The following AGPAT3 variants were observed in gnomAD, a reference collection of about 807,000 sequenced individuals.
AGPAT3 encodes the protein 1-acylglycerol-3-phosphate O-acyltransferase 3, also known as 1-acyl-sn-glycerol-3-phosphate acyltransferase gamma.
Under a neutral mutation model 47.3 loss-of-function variants are expected in AGPAT3, and 5 were observed. The ratio of observed to expected loss-of-function variants is 0.11; its 90% confidence interval spans 0.06 to 0.22. The LOEUF (loss-of-function observed/expected upper bound fraction) is 0.22. AGPAT3 is among the 10% of genes least tolerant of loss of function. The probability of loss-of-function intolerance (pLI) is 1.00; values close to 1 mark genes in which losing one functional copy is unlikely to be tolerated. For missense variants in AGPAT3, 315 were observed against 493.0 expected, an observed-to-expected ratio of 0.64 and a Z score of 3.42; for synonymous variants, 212 against 208.3, an observed-to-expected ratio of 1.02 and a Z score of -0.15.
intron 1 of AGPAT3, among the ~76,000 whole-genome samples, chr21:43,884,753 T>C (rs987305925): frequency 6.6e-6 from 1 of 151,496 alleles, no homozygotes; most frequent in Non-Finnish European, 1.5e-5. Context: ...GGCCTGGTGC[T>C]GGGTGCTGGG....
Position 43,955,688 on chromosome 21 carries a change from C to T in AGPAT3, c.-48-3946C>T, listed in dbSNP as rs564639881. Among the ~76,000 whole-genome samples, 32 of 152,060 alleles carry T rather than the reference C, an allele frequency of 2.1e-4. No homozygotes were observed. The highest frequency in any genetic ancestry group is 7.5e-4 in the African/African-American group (31 of 41,550). On this transcript the variant is annotated intron_variant, in intron 2 of 9. Coordinates refer to ENST00000291572, the MANE Select transcript of AGPAT3 (RefSeq NM_020132.5). This position sits in a 1 kb window ranked among gnomAD's most constrained non-coding sequence, Gnocchi z 4.1. ...TGGGAGGTCGAGTTGGGCGGATTAC[C>T]TGAGGTCAGGAGATCGAGGCCAGCC...
intron 2 of AGPAT3, among the ~76,000 whole-genome samples, chr21:43,918,085 T>C (rs1438176262): frequency 7.1e-6 from 1 of 140,936 alleles, no homozygotes; most frequent in Non-Finnish European, 1.5e-5. Context: ...GTTGTGGGTG[T>C]TGTGGGTGTT....
chr21:43,978,836 T>G (rs1306034640), intron 8 of AGPAT3, among the ~76,000 whole-genome samples: 1 of 152,174 alleles, frequency 6.6e-6, no homozygotes, highest in African/African-American at 2.4e-5. Context: ...CTTATTTCTT[T>G]CCCCCACGGC....
intron 2 of AGPAT3, among the ~76,000 whole-genome samples, chr21:43,910,315 G>A (rs1253433531): frequency 1.3e-5 from 2 of 152,206 alleles, no homozygotes; most frequent in Non-Finnish European, 1.5e-5. Context: ...CTGGAGGAGG[G>A]GAGTGGAGCC....
intron 2 of AGPAT3, among the ~76,000 whole-genome samples, chr21:43,914,837 C>A (rs1023780480): frequency 4.6e-5 from 7 of 152,242 alleles, no homozygotes; most frequent in Non-Finnish European, 7.4e-5. Context: ...CCACCGTGCC[C>A]AGTACTCAGA....
intron 6 of AGPAT3, among the ~76,000 whole-genome samples, 170 bp from the exon 7 acceptor site, chr21:43,971,218 A>G (rs2089380258): frequency 6.6e-6 from 1 of 152,178 alleles, no homozygotes; most frequent in South Asian, 2.1e-4. Flanking sequence ...AAGAGGGGGA[A>G]AGAAAACTTA....
At chr21:43,913,698 G>A (rs2086673098) in intron 2 of AGPAT3, among the ~76,000 whole-genome samples, 2 of 152,218 alleles carry the variant, frequency 1.3e-5, no homozygotes, top group South Asian at 4.1e-4. Context: ...AATGGCAGGA[G>A]ATGTTTTTGG....
chr21:43,964,722 A>G (rs1182668866), intron 3 of AGPAT3, among the ~76,000 whole-genome samples: 1 of 152,248 alleles, frequency 6.6e-6, no homozygotes, highest in South Asian at 2.1e-4. Flanking sequence ...AAAGCACTTC[A>G]GTAAGAACAG....
intron 3 of AGPAT3, among the ~76,000 whole-genome samples, chr21:43,961,333 G>C (rs2088825877): frequency 6.6e-6 from 1 of 152,064 alleles, no homozygotes; most frequent in South Asian, 2.1e-4. Flanking sequence ...TAGACACTTT[G>C]TCTCGTGGGA....
At chr21:43,877,930 C>T (rs974717191) in intron 1 of AGPAT3, among the ~76,000 whole-genome samples, 3 of 152,062 alleles carry the variant, frequency 2.0e-5, no homozygotes, top group Admixed American at 2.0e-4. Context: ...TCTATGGCTC[C>T]TTGACCCTCA....
rs145118641 is a variant in AGPAT3 at position 43,934,043 on chromosome 21, G to T, written c.-48-25591G>T. 4.5e-3 allele frequency among the ~76,000 whole-genome samples: 686 copies of T among 152,324 alleles called. 3 individuals carry two copies. The highest frequency in any genetic ancestry group is 0.015 in the African/African-American group (637 of 41,564). ...GCCAGCTGCCGAATGCCGTACCAGGGCAGGGGCAGTGGAGCAGGTGTCTGC... is the reference window on the plus strand; with the variant it reads ...GCCAGCTGCCGAATGCCGTACCAGGTCAGGGGCAGTGGAGCAGGTGTCTGC... On this transcript the variant is annotated intron_variant, in intron 2 of 9. Transcript: ENST00000291572. This position sits in a 1 kb window ranked among gnomAD's most constrained non-coding sequence, Gnocchi z 4.7.
chr21:43,962,543 A>G (rs1569096016), intron 3 of AGPAT3, among the ~76,000 whole-genome samples: 3 of 152,276 alleles, frequency 2.0e-5, no homozygotes, highest in East Asian at 1.9e-4. Flanking sequence ...TGGCTTTTTA[A>G]TGCATTTCTG....
At chr21:43,884,950 G>A (rs1485153933) in intron 1 of AGPAT3, among the ~76,000 whole-genome samples, 2 of 152,236 alleles carry the variant, frequency 1.3e-5, no homozygotes, top group Non-Finnish European at 1.5e-5. Context: ...ATAGATCGGA[G>A]TTAACAGTGA....
chr21:43,865,234 C>T lies in AGPAT3; in HGVS notation c.-223C>T, dbSNP rs1179448950. The T allele has an allele frequency of 6.8e-6, 1 of 147,260 alleles. No homozygotes were observed. The highest frequency in any genetic ancestry group is 1.5e-5 in the Non-Finnish European group (1 of 65,852). 9.1% of individuals were successfully genotyped at this position (147,260 alleles called of 1,614,324 possible). A position where few individuals can be genotyped will look rare whatever the true frequency, so the allele number is the denominator to read the frequency against. Reference sequence around the variant, plus strand: ...GCGGCGGGCGCCGCACTCGCTGAGGCCCCGACGCAGGGCCGGGCCGGGCCC... The same window carrying T: ...GCGGCGGGCGCCGCACTCGCTGAGGTCCCGACGCAGGGCCGGGCCGGGCCC... On this transcript the variant is annotated 5_prime_UTR_variant, in exon 1 of 10. Coordinates refer to ENST00000291572, the MANE Select transcript of AGPAT3 (RefSeq NM_020132.5).
intron 2 of AGPAT3, among the ~76,000 whole-genome samples, chr21:43,937,203 T>C (rs1457232556): frequency 6.6e-6 from 1 of 152,200 alleles, no homozygotes; most frequent in Non-Finnish European, 1.5e-5. Context: ...GGGGTACCCA[T>C]GAGTGACTTT....
At chr21:43,967,836 C>T (rs1031869455) in intron 3 of AGPAT3, 110 bp from the exon 4 acceptor site, 9 of 1,115,380 alleles carry the variant, frequency 8.1e-6, no homozygotes, top group South Asian at 1.6e-5. Flanking sequence ...TCATGTTTAG[C>T]AGAGACTTCC....
At chr21:43,956,787 C>T (rs1259699998) in intron 2 of AGPAT3, among the ~76,000 whole-genome samples, 1 of 152,198 alleles carries the variant, frequency 6.6e-6, no homozygotes, top group African/African-American at 2.4e-5. Flanking sequence ...AGGTCAGCCC[C>T]TTCCGCGCAG....
Position 43,939,612 on chromosome 21 carries a change from C to CT in AGPAT3, c.-48-20021dup, listed in dbSNP as rs1358642783. Reference sequence around the variant, plus strand: ...GCGGGCGCCTGGCCTGTCCGGCAGGCTGGGTGGCTGTTCTCTGTTGAGCCC... The same window carrying CT: ...GCGGGCGCCTGGCCTGTCCGGCAGGCTTGGGTGGCTGTTCTCTGTTGAGCCC... On this transcript the variant is annotated intron_variant, in intron 2 of 9. Coordinates refer to ENST00000291572, the MANE Select transcript of AGPAT3 (RefSeq NM_020132.5). The surrounding 1 kb of genome is among the most constrained non-coding windows in gnomAD (Gnocchi z 4.4). 6.6e-6 allele frequency among the ~76,000 whole-genome samples: 1 copy of CT among 152,186 alleles called. No homozygotes were observed. The highest frequency in any genetic ancestry group is 2.4e-5 in the African/African-American group (1 of 41,438).
chr21:43,955,124 G>A lies in AGPAT3; in HGVS notation c.-48-4510G>A. 7.8e-7 allele frequency: 1 copy of A among 1,276,360 alleles called. No individual in the cohort carries two copies. Among genetic ancestry groups the A allele is most frequent in the Non-Finnish European group, 1.0e-6 (1 of 980,686 alleles). The allele number at this position is 1,276,360 out of a possible 1,614,324, so 79.1% of individuals were successfully genotyped here. ...CACCGTGGCACGTCCATGCCGTGGGGGTCACTCAGCAGCCACGGATGCGCC... is the reference window on the plus strand; with the variant it reads ...CACCGTGGCACGTCCATGCCGTGGGAGTCACTCAGCAGCCACGGATGCGCC... On this transcript the variant is annotated intron_variant, in intron 2 of 9. Transcript: ENST00000291572. The surrounding 1 kb of genome is among the most constrained non-coding windows in gnomAD (Gnocchi z 4.1).
Sources: gnomAD v4.1 joint callset for allele counts (sites outside exome capture counted in the v4.1 genomes callset) on GRCh38, gnomAD v4.1.1 for gene constraint, Gnocchi (gnomAD v3.1) non-coding constraint, MANE v1.5 for transcripts, NCBI Gene and HGNC (gene_info 2026-07-23, HGNC 2026-07-21) for gene names.